Variants in PTPRN2 observed in about 807,000 individuals in gnomAD.
PTPRN2 encodes the protein receptor-type tyrosine-protein phosphatase N2.
Under a neutral mutation model 118.8 loss-of-function variants are expected in PTPRN2, and 74 were observed. That is an observed-to-expected ratio of 0.62 (90% CI 0.52 to 0.76). PTPRN2 has a LOEUF of 0.76. PTPRN2 is among the 30% of genes least tolerant of loss of function. The pLI is 0.00. For missense variants in PTPRN2, 1,481 were observed against 1,394.4 expected (o/e 1.06, Z -0.99); for synonymous variants, 641 against 608.0 (o/e 1.05, Z -0.80).
At chr7:158,449,527 C>T (rs1268935958) in intron 2 of PTPRN2, among the ~76,000 whole-genome samples, 7 of 149,902 alleles carry the variant, frequency 4.7e-5, no homozygotes, top group Non-Finnish European at 1.0e-4. Context: ...CAGCGCGGGC[C>T]GAGTCCAAAC....
intron 3 of PTPRN2, among the ~76,000 whole-genome samples, chr7:158,262,884 TAC>T (rs1207278213): frequency 2.3e-5 from 2 of 85,776 alleles, no homozygotes; most frequent in African/African-American, 9.4e-5. Flanking sequence ...TGCACACACA[TAC>T]ATTCACACAC....
At chr7:158,573,157 A>C (rs956359021) in intron 1 of PTPRN2, among the ~76,000 whole-genome samples, 1 of 152,176 alleles carries the variant, frequency 6.6e-6, no homozygotes, top group African/African-American at 2.4e-5. Flanking sequence ...ATTAATGATC[A>C]TCCTCTGGTA....
chr7:158,234,518 T>C (rs1829398829), intron 3 of PTPRN2, among the ~76,000 whole-genome samples: 1 of 146,840 alleles, frequency 6.8e-6, no homozygotes, highest in Admixed American at 6.8e-5. Flanking sequence ...GATATAGTCA[T>C]CAAATAAAAA....
At chr7:158,323,571 T>C (rs752171735) in intron 2 of PTPRN2, among the ~76,000 whole-genome samples, 3 of 152,214 alleles carry the variant, frequency 2.0e-5, no homozygotes, top group Non-Finnish European at 2.9e-5. Context: ...GGGTGGTCAG[T>C]TTCTTTCATT....
At chr7:158,058,116 T>C (rs1809941875) in intron 11 of PTPRN2, among the ~76,000 whole-genome samples, 1 of 152,234 alleles carries the variant, frequency 6.6e-6, no homozygotes, top group African/African-American at 2.4e-5. Context: ...TGCAGTAGAA[T>C]CACTACACTC....
At chr7:157,682,545 G>A (rs1669942504) in intron 13 of PTPRN2, among the ~76,000 whole-genome samples, 180 bp downstream of exon 13, 1 of 152,188 alleles carries the variant, frequency 6.6e-6, no homozygotes, top group Admixed American at 6.5e-5. Context: ...CTGCACAACT[G>A]TGGCTGCAAC....
rs75044238 is a variant in PTPRN2, at chr7:157,639,508, C to A, written c.2196+16849G>T. On this transcript the variant is annotated intron_variant, in intron 14 of 22. Coordinates refer to ENST00000389418, the MANE Select transcript of PTPRN2 (RefSeq NM_002847.5). Reference sequence around the variant, plus strand: ...AACCTGAAGTGTCTTCCTCCACAGACACGTAGAATGCTGGACAAATGGCAC... The same window carrying A: ...AACCTGAAGTGTCTTCCTCCACAGAAACGTAGAATGCTGGACAAATGGCAC... 6.7e-3 allele frequency among the ~76,000 whole-genome samples: 1,019 copies of A among 152,334 alleles called. 2 individuals are homozygous for A. Among genetic ancestry groups the A allele is most frequent in the Middle Eastern group, 0.014 (4 of 294 alleles).
chr7:157,610,404 C>G lies in PTPRN2; in HGVS notation c.2345-6329G>C, dbSNP rs1165762774. ...CCTCTTCTTCATGTTGATGGTGTGG[C>G]CTGTGGAGAGGTGGAGCCGGTGTCT... On this transcript the variant is annotated intron_variant, in intron 15 of 22. Transcript: ENST00000389418. This position sits in a 1 kb window ranked among gnomAD's most constrained non-coding sequence, Gnocchi z 5.1. Among the ~76,000 whole-genome samples the G allele has an allele frequency of 1.3e-5, 2 of 152,172 alleles. No homozygotes were observed. Among genetic ancestry groups the G allele is most frequent in the Non-Finnish European group, 2.9e-5 (2 of 68,028 alleles).
chr7:158,129,774 C>G (rs1158235510), intron 9 of PTPRN2, among the ~76,000 whole-genome samples: 1 of 152,202 alleles, frequency 6.6e-6, no homozygotes, highest in Non-Finnish European at 1.5e-5. Context: ...CACGCAGCCT[C>G]AGAACACATC....
chr7:157,788,043 TCAAA>T (rs1319336082), intron 12 of PTPRN2, among the ~76,000 whole-genome samples: 6 of 152,156 alleles, frequency 3.9e-5, no homozygotes, highest in Admixed American at 6.5e-5. Context: ...ATCCCAGTGT[TCAAA>T]CAGAGTTCTG....
chr7:157,795,182 C>A, intron 12 of PTPRN2, among the ~76,000 whole-genome samples: 1 of 148,818 alleles, frequency 6.7e-6, no homozygotes, highest in African/African-American at 2.5e-5. Context: ...GGGGCTCAAG[C>A]TAAAAGCCCC....
chr7:158,472,223 C>T (rs1464647482), intron 2 of PTPRN2, among the ~76,000 whole-genome samples: 11 of 152,306 alleles, frequency 7.2e-5, no homozygotes, highest in African/African-American at 1.9e-4. Context: ...AGGCAAAGAA[C>T]GATGAACCAC....
intron 14 of PTPRN2, among the ~76,000 whole-genome samples, chr7:157,634,262 C>A (rs11982596): frequency 0.076 from 11,620 of 152,194 alleles, 710 homozygotes; most frequent in African/African-American, 0.17. Context: ...TCATACCTAC[C>A]CTTAAGTTAC....
intron 6 of PTPRN2, among the ~76,000 whole-genome samples, chr7:158,154,331 A>ACTC (rs913264668): frequency 4.6e-5 from 7 of 151,974 alleles, no homozygotes; most frequent in African/African-American, 1.7e-4. Context: ...TGAATCAATA[A>ACTC]CTCCCACTCG....
chr7:157,656,392 A>C lies in PTPRN2; in HGVS notation c.2161T>G (p.Ser721Ala). The C allele has an allele frequency of 6.4e-7, 1 of 1,552,548 alleles. No individual in the cohort carries two copies. Among genetic ancestry groups the C allele is most frequent in the Non-Finnish European group, 8.7e-7 (1 of 1,147,646 alleles). ...ASSWSEEPVQ[S>A]NMDISTGHMI... ...TGGCCGGTGGAGATGTCCATGTTGG[A>C]CTGCACAGGCTCCTCGGACCAGGAT... Residue 721 changes from serine (S) to alanine (A), a missense_variant, in exon 14 of 23, where the codon TCC becomes GCC. Transcript: ENST00000389418.
intron 12 of PTPRN2, among the ~76,000 whole-genome samples, chr7:157,793,134 C>G (rs898897305): frequency 1.3e-5 from 2 of 151,896 alleles, no homozygotes; most frequent in African/African-American, 4.8e-5. Context: ...CGGTTGTGGT[C>G]GGGAGAATGA....
intron 12 of PTPRN2, among the ~76,000 whole-genome samples, chr7:157,695,927 C>G: frequency 6.6e-6 from 1 of 151,464 alleles, no homozygotes; most frequent in Non-Finnish European, 1.5e-5. Context: ...TCTACCCATG[C>G]ATACTGGATC....
At position 157,869,222 on chromosome 7, in the gene PTPRN2, C is replaced by A. The variant is rs915715866; in HGVS notation, c.1788+29451G>T. The A allele has an allele frequency of 6.6e-6, 1 of 152,140 alleles. No homozygotes were observed. The highest frequency in any genetic ancestry group is 1.5e-5 in the Non-Finnish European group (1 of 68,028). The allele number at this position is 152,140 out of a possible 1,614,324, so 9.4% of individuals were successfully genotyped here. On this transcript the variant is annotated intron_variant, in intron 12 of 22. Coordinates refer to ENST00000389418, the MANE Select transcript of PTPRN2 (RefSeq NM_002847.5). This position sits in a 1 kb window ranked among gnomAD's most constrained non-coding sequence, Gnocchi z 4.2. ...TGTGCTTAGGTACTTGCAGAGCCTC[C>A]CAGCATGGGAGGTCTGGGTAGGGCC...
chr7:158,366,907 C>T (rs535606718), intron 2 of PTPRN2, among the ~76,000 whole-genome samples: 15 of 152,310 alleles, frequency 9.8e-5, no homozygotes, highest in Admixed American at 6.5e-4. Flanking sequence ...AACAGCAAAG[C>T]GGTGCCTTTG....
Sources: allele counts gnomAD v4.1 joint callset (sites outside exome capture counted in the v4.1 genomes callset), GRCh38; gene constraint gnomAD v4.1.1; non-coding constraint Gnocchi (gnomAD v3.1); transcripts MANE v1.5; gene names NCBI Gene and HGNC (gene_info 2026-07-23, HGNC 2026-07-21).